The following IRAK2 variants were observed in gnomAD, a reference collection of about 807,000 sequenced individuals.
IRAK2 encodes interleukin-1 receptor-associated kinase-like 2.
In IRAK2, 57 loss-of-function variants were observed where a neutral mutation model predicts 72.0. The observed-to-expected ratio is 0.79, with a 90% CI of 0.64 to 0.99. The LOEUF (loss-of-function observed/expected upper bound fraction) is 0.99. IRAK2 is among the 50% of genes least tolerant of loss of function. The probability of loss-of-function intolerance (pLI) is 0.00; values close to 1 mark genes in which losing one functional copy is unlikely to be tolerated. For missense variants in IRAK2, 790 were observed against 794.4 expected (o/e 0.99, Z 0.07); for synonymous variants, 293 against 312.7 (o/e 0.94, Z 0.67).
intron 8 of IRAK2, 67 bp downstream of exon 8, chr3:10,219,856 G>A (rs1697661859): frequency 8.4e-6 from 9 of 1,071,122 alleles, no homozygotes; most frequent in Middle Eastern, 2.0e-4. Flanking sequence ...CCTATTCCTG[G>A]CTCACCTCCC....
chr3:10,205,686 C>T (rs1658865750), intron 3 of IRAK2, among the ~76,000 whole-genome samples: 1 of 152,210 alleles, frequency 6.6e-6, no homozygotes. Flanking sequence ...GTACACAGAA[C>T]CTGGGTGTTA....
chr3:10,230,784 G>A (rs1437748013), intron 10 of IRAK2, among the ~76,000 whole-genome samples: 1 of 151,772 alleles, frequency 6.6e-6, no homozygotes, highest in Non-Finnish European at 1.5e-5. Context: ...ACAGAGTCTT[G>A]CTCTGTCGCC....
At chr3:10,185,819 G>A (rs1440702536) in intron 2 of IRAK2, among the ~76,000 whole-genome samples, 1 of 151,524 alleles carries the variant, frequency 6.6e-6, no homozygotes, top group Non-Finnish European at 1.5e-5. Flanking sequence ...GAGGTTTGCA[G>A]TGAGCTGAGA....
chr3:10,225,979 A>G (rs755747684), intron 9 of IRAK2, among the ~76,000 whole-genome samples: 3 of 152,182 alleles, frequency 2.0e-5, no homozygotes, highest in African/African-American at 7.2e-5. Flanking sequence ...GATTACAGGC[A>G]TGATCCACCG....
intron 2 of IRAK2, among the ~76,000 whole-genome samples, chr3:10,180,564 T>C (rs1281669514): frequency 2.6e-4 from 40 of 152,022 alleles, no homozygotes. Context: ...GAGCCAGTGG[T>C]GGGAGCCCCA....
intron 1 of IRAK2, among the ~76,000 whole-genome samples, chr3:10,168,852 C>T (rs182784588): frequency 1.3e-5 from 2 of 152,306 alleles, no homozygotes; most frequent in East Asian, 1.9e-4. Flanking sequence ...CTGCCTGGGA[C>T]GTTCTTCCCC....
intron 3 of IRAK2, among the ~76,000 whole-genome samples, chr3:10,205,967 CG>C (rs1186101179): frequency 6.6e-6 from 1 of 151,914 alleles, no homozygotes; most frequent in African/African-American, 2.4e-5. Flanking sequence ...TTCTGCAGGA[CG>C]GGGGCCCTGT....
intron 10 of IRAK2, among the ~76,000 whole-genome samples, chr3:10,227,208 G>A (rs1385860340): frequency 6.6e-6 from 1 of 152,068 alleles, no homozygotes; most frequent in Non-Finnish European, 1.5e-5. Flanking sequence ...CACTTTGGAG[G>A]AGGCCAAGGC....
At chr3:10,213,682 A>C (rs934557651) in intron 6 of IRAK2, 134 bp downstream of exon 6, 2 of 675,146 alleles carry the variant, frequency 3.0e-6, no homozygotes, top group Non-Finnish European at 5.2e-6. Context: ...AAATGTAGCT[A>C]CTATTATCAC....
chr3:10,241,604 TGTGGCTCACAGGCCGGGCGTG>T (rs1239990647), intron 12 of IRAK2, among the ~76,000 whole-genome samples: 1 of 139,710 alleles, frequency 7.2e-6, no homozygotes, highest in African/African-American at 2.7e-5. Flanking sequence ...GGCTGGGTGC[TGTGGCTCACAGGCCGGGCGTG>T]GTGGCTCACG....
At chr3:10,169,282 G>T (rs765173245) in intron 1 of IRAK2, among the ~76,000 whole-genome samples, 15 of 152,122 alleles carry the variant, frequency 9.9e-5, no homozygotes, top group African/African-American at 2.2e-4. Context: ...CAGGAAACAG[G>T]GTTGGAGAGC....
chr3:10,197,782 G>A (rs752079572), intron 2 of IRAK2, among the ~76,000 whole-genome samples: 1 of 149,788 alleles, frequency 6.7e-6, no homozygotes, highest in Non-Finnish European at 1.5e-5. Context: ...AACCTGGGAG[G>A]CGGAGCTTGT....
At chr3:10,222,199 T>A (rs1301999916) in intron 8 of IRAK2, among the ~76,000 whole-genome samples, 1 of 152,186 alleles carries the variant, frequency 6.6e-6, no homozygotes, top group East Asian at 1.9e-4. Flanking sequence ...AGAGGGAATT[T>A]TTTTTTCTTT....
chr3:10,218,284 C>G (rs911915068), intron 7 of IRAK2, among the ~76,000 whole-genome samples: 1 of 152,146 alleles, frequency 6.6e-6, no homozygotes, highest in African/African-American at 2.4e-5. Context: ...ATTAGCCAGG[C>G]GTGGTGGCGT....
intron 10 of IRAK2, among the ~76,000 whole-genome samples, chr3:10,228,705 A>G (rs555623827): frequency 2.0e-5 from 3 of 152,192 alleles, no homozygotes; most frequent in South Asian, 2.1e-4. Flanking sequence ...GTTAATCAAG[A>G]TTTGAGTCAG....
rs150651614 is a variant in IRAK2 at position 10,229,120 on chromosome 3, A to C, written c.1272+2687A>C. 6.3e-3 allele frequency among the ~76,000 whole-genome samples: 954 copies of C among 152,024 alleles called. 9 individuals are homozygous for C. Among genetic ancestry groups the C allele is most frequent in the African/African-American group, 0.022 (921 of 41,452 alleles). The stretch of plus-strand genomic sequence containing the variant: ...GGCTAATTTTTGTATTTTTTTTAGT[A>C]GTGACAGGGTTTTGCCATGTTGGCC... On this transcript the variant is annotated intron_variant, in intron 10 of 12. Coordinates refer to ENST00000256458, the MANE Select transcript of IRAK2 (RefSeq NM_001570.4).
chr3:10,185,111 G>A (rs1334795333), intron 2 of IRAK2, among the ~76,000 whole-genome samples: 1 of 151,262 alleles, frequency 6.6e-6, no homozygotes, highest in African/African-American at 2.5e-5. Flanking sequence ...TCTGTGATTC[G>A]CGAAGCATCC....
intron 2 of IRAK2, among the ~76,000 whole-genome samples, chr3:10,183,518 C>T (rs1219531127): frequency 6.6e-6 from 1 of 152,126 alleles, no homozygotes; most frequent in Non-Finnish European, 1.5e-5. Context: ...GAGATCGAGA[C>T]CATCCTGGCT....
intron 11 of IRAK2, among the ~76,000 whole-genome samples, chr3:10,236,309 AG>A (rs1697957733): frequency 7.1e-6 from 1 of 139,986 alleles, no homozygotes; most frequent in Non-Finnish European, 1.5e-5. Flanking sequence ...AAGGCTTTGT[AG>A]GCACAGTAAG....
Sources: allele counts gnomAD v4.1 joint callset (sites outside exome capture counted in the v4.1 genomes callset), GRCh38; gene constraint gnomAD v4.1.1; transcripts MANE v1.5; gene names NCBI Gene and HGNC (gene_info 2026-07-23, HGNC 2026-07-21).